The following SGCD variants were observed in gnomAD, a reference collection of about 807,000 sequenced individuals.
SGCD encodes the protein sarcoglycan delta.
Under a neutral mutation model 36.6 loss-of-function variants are expected in SGCD, and 18 were observed. That is an observed-to-expected ratio of 0.49 (90% CI 0.34 to 0.73). The LOEUF is 0.73. Among genes scored for constraint, SGCD ranks in the 30% least tolerant of loss-of-function variants. The pLI is 0.01. For synonymous variants in SGCD, 133 were observed against 130.6 expected (o/e 1.02, Z -0.12); for missense variants, 387 against 346.7 (o/e 1.12, Z -0.92).
chr5:156,547,970 T>G (rs1758647500), intron 4 of SGCD, among the ~76,000 whole-genome samples: 1 of 152,184 alleles, frequency 6.6e-6, no homozygotes, highest in Non-Finnish European at 1.5e-5. Context: ...CACAGGGTCA[T>G]CATGGACTCA....
At chr5:156,389,172 T>C (rs1164573732) in intron 3 of SGCD, among the ~76,000 whole-genome samples, 1 of 152,242 alleles carries the variant, frequency 6.6e-6, no homozygotes. Flanking sequence ...CTGGGACTTC[T>C]GTTGGCTACA....
chr5:156,073,568 G>C (rs1287515313), intron 1 of SGCD, among the ~76,000 whole-genome samples: 4 of 152,054 alleles, frequency 2.6e-5, no homozygotes, highest in African/African-American at 9.7e-5. Flanking sequence ...GTCTCAAAAA[G>C]GTAAAATAAA....
chr5:156,193,299 G>C (rs1030897776), intron 3 of SGCD, among the ~76,000 whole-genome samples: 1 of 152,070 alleles, frequency 6.6e-6, no homozygotes, highest in African/African-American at 2.4e-5. Context: ...ATACAGGAAC[G>C]CGTGCTTTTT....
At chr5:155,993,423 C>A (rs1367814268) in intron 1 of SGCD, among the ~76,000 whole-genome samples, 1 of 149,234 alleles carries the variant, frequency 6.7e-6, no homozygotes, top group Non-Finnish European at 1.5e-5. Flanking sequence ...CGGCTTACTG[C>A]AACCTCTGCC....
At chr5:155,761,950 A>G in the SGCD span, among the ~76,000 whole-genome samples, 2 of 152,202 alleles carry the variant, frequency 1.3e-5, no homozygotes, top group Non-Finnish European at 2.9e-5. Context: ...AAATGTGCTA[A>G]GTACATTTCC....
At chr5:156,035,165 T>C (rs1300514377) in intron 1 of SGCD, among the ~76,000 whole-genome samples, 3 of 152,222 alleles carry the variant, frequency 2.0e-5, no homozygotes, top group Admixed American at 6.5e-5. Flanking sequence ...GGTGAGTCTG[T>C]TTGTTTTTCT....
chr5:156,707,825 T>A (rs1292095508), intron 7 of SGCD, among the ~76,000 whole-genome samples: 2 of 152,172 alleles, frequency 1.3e-5, no homozygotes, highest in African/African-American at 4.8e-5. Context: ...TTAAAAGAGG[T>A]ACTAAGTTTG....
At chr5:156,390,540 G>C (rs1419984203) in intron 3 of SGCD, among the ~76,000 whole-genome samples, 1 of 152,192 alleles carries the variant, frequency 6.6e-6, no homozygotes, top group African/African-American at 2.4e-5. Flanking sequence ...AGACCAGCCT[G>C]ACCAACATGG....
intron 1 of SGCD, among the ~76,000 whole-genome samples, chr5:155,914,619 A>G (rs1236628800): frequency 1.3e-5 from 2 of 152,182 alleles, no homozygotes; most frequent in African/African-American, 2.4e-5. Flanking sequence ...GTATACCTTT[A>G]TGTATAATAA....
chr5:156,105,261 C>G (rs1165811135), intron 1 of SGCD, among the ~76,000 whole-genome samples: 1 of 152,094 alleles, frequency 6.6e-6, no homozygotes, highest in African/African-American at 2.4e-5. Flanking sequence ...AAAGAAAGTA[C>G]TTCACACATA....
chr5:156,305,152 G>A (rs1767170775), intron 3 of SGCD, among the ~76,000 whole-genome samples: 1 of 152,206 alleles, frequency 6.6e-6, no homozygotes, highest in Admixed American at 6.5e-5. Flanking sequence ...GGAGCCAAAT[G>A]TTAATCCCCA....
At chr5:156,612,556 C>T (rs1353046730) in intron 6 of SGCD, among the ~76,000 whole-genome samples, 1 of 152,236 alleles carries the variant, frequency 6.6e-6, no homozygotes, top group Non-Finnish European at 1.5e-5. Flanking sequence ...AGTCAGCCAG[C>T]TGTGTGTCAC....
the SGCD span, among the ~76,000 whole-genome samples, chr5:155,838,305 G>C: frequency 6.6e-6 from 1 of 151,952 alleles, no homozygotes; most frequent in African/African-American, 2.4e-5. Flanking sequence ...TTCAAATTAG[G>C]ATTCAAAAAA....
At chr5:156,690,430 A>C (rs1581404121) in intron 7 of SGCD, among the ~76,000 whole-genome samples, 1 of 152,282 alleles carries the variant, frequency 6.6e-6, no homozygotes, top group East Asian at 1.9e-4. Context: ...TGAGCACTCA[A>C]GGGAATAGAA....
chr5:155,781,006 G>T, the SGCD span, among the ~76,000 whole-genome samples: 41,953 of 146,114 alleles, frequency 0.29, 7,377 homozygotes, highest in East Asian at 0.44. Context: ...TTTTTCCCCT[G>T]TTTGTGTGTT....
chr5:156,630,680 T>A (rs1437913941), intron 6 of SGCD, among the ~76,000 whole-genome samples: 1 of 152,212 alleles, frequency 6.6e-6, no homozygotes, highest in African/African-American at 2.4e-5. Context: ...AAAGTACATA[T>A]GAAAATCCCT....
At chr5:156,552,895 G>C (rs945228523) in intron 4 of SGCD, among the ~76,000 whole-genome samples, 1 of 152,082 alleles carries the variant, frequency 6.6e-6, no homozygotes, top group African/African-American at 2.4e-5. Flanking sequence ...ACCTTAAAGA[G>C]TATGGTCTTA....
intron 3 of SGCD, among the ~76,000 whole-genome samples, chr5:156,237,705 C>T (rs1230571791): frequency 6.6e-6 from 1 of 152,112 alleles, no homozygotes; most frequent in Non-Finnish European, 1.5e-5. Flanking sequence ...GAGCAACTGA[C>T]ATAAATTGAA....
chr5:156,052,840 A>G (rs555405835), intron 1 of SGCD, among the ~76,000 whole-genome samples: 2 of 146,450 alleles, frequency 1.4e-5, no homozygotes, highest in African/African-American at 4.9e-5. Context: ...GCACAGGGAT[A>G]TTTGCCAGAC....
Sources: gnomAD v4.1 joint callset for allele counts (sites outside exome capture counted in the v4.1 genomes callset) on GRCh38, gnomAD v4.1.1 for gene constraint, MANE v1.5 for transcripts, NCBI Gene and HGNC (gene_info 2026-07-23, HGNC 2026-07-21) for gene names.